The following ZNF212 variants were observed in gnomAD, a reference collection of about 807,000 sequenced individuals.
ZNF212 encodes Zinc finger protein C2H2-150.
In ZNF212, 32 loss-of-function variants were observed where a neutral mutation model predicts 47.3. That is an observed-to-expected ratio of 0.68 (90% CI 0.51 to 0.91). ZNF212 has a LOEUF of 0.91. ZNF212 is among the 40% of genes least tolerant of loss of function. The probability of loss-of-function intolerance (pLI) is 0.00; values close to 1 mark genes in which losing one functional copy is unlikely to be tolerated. For synonymous variants in ZNF212, 242 were observed against 253.8 expected (o/e 0.95, Z 0.44); for missense variants, 555 against 622.8 (o/e 0.89, Z 1.16).
At chr7:149,252,320 A>G (rs187887758) in intron 3 of ZNF212, among the ~76,000 whole-genome samples, 276 of 152,304 alleles carry the variant, frequency 1.8e-3, no homozygotes, top group Non-Finnish European at 3.0e-3. Flanking sequence ...TGTCTGTCCC[A>G]GTGCCCATCT....
chr7:149,242,969 TA>T (rs1318888911), intron 1 of ZNF212, among the ~76,000 whole-genome samples: 31 of 152,110 alleles, frequency 2.0e-4, no homozygotes, highest in Admixed American at 2.0e-3. Context: ...AAAGATGGGA[TA>T]AATAGCACAA....
At chr7:149,250,041 G>A in intron 1 of ZNF212, 118 bp from the exon 2 acceptor site, 1 of 1,008,564 alleles carries the variant, frequency 9.9e-7, no homozygotes, top group Non-Finnish European at 1.3e-6. Flanking sequence ...ATCAATAAAA[G>A]ACATGCTTTT....
At chr7:149,240,016 C>A (rs186971121) in intron 1 of ZNF212, 66 of 510,622 alleles carry the variant, frequency 1.3e-4, no homozygotes, top group African/African-American at 1.2e-3. Context: ...GCCTCGGCGC[C>A]GTGCGCCCTT....
Position 149,253,446 on chromosome 7 carries a change from C to A in ZNF212, c.632-113C>A, listed in dbSNP as rs533082147. On this transcript the variant is annotated intron_variant, in intron 4 of 4. Coordinates refer to ENST00000335870, the MANE Select transcript of ZNF212 (RefSeq NM_012256.4). ...CAGTGTCATCCTCCTCCACGTTATC[C>A]TAATTCACTTATTCCTGGGGTGCTT... The A allele has an allele frequency of 1.0e-5, 14 of 1,345,530 alleles. No individual in the cohort carries two copies. In the Admixed American group the frequency reaches 3.2e-4, roughly 31 times the overall value. 83.3% of individuals were successfully genotyped at this position (1,345,530 alleles called of 1,614,324 possible).
intron 4 of ZNF212, 31 bp downstream of exon 4, chr7:149,252,826 T>C (rs1296056563): frequency 6.2e-7 from 1 of 1,605,626 alleles, no homozygotes; most frequent in East Asian, 2.2e-5. Context: ...CTGTTCCCCT[T>C]CCATAGCCCT....
Position 149,254,294 on chromosome 7 carries a change from G to C in ZNF212, c.1367G>C (p.Ser456Thr). Residue 456 changes from serine to threonine, a missense_variant, in exon 5 of 5, where the codon AGC (serine) becomes ACC (threonine). Transcript: ENST00000335870. This position sits in a 1 kb window ranked among gnomAD's most constrained non-coding sequence, Gnocchi z 4.5. Reference sequence around the variant, plus strand: ...ATCCACACGGGTGAGCGGCCCTACAGCTGCACTGAGTGTGAGAAGAGCTTT... The same window carrying C: ...ATCCACACGGGTGAGCGGCCCTACACCTGCACTGAGTGTGAGAAGAGCTTT... ...QRIHTGERPY[S>T]CTECEKSFVQ... The C allele has an allele frequency of 6.2e-7, 1 of 1,614,142 alleles. No homozygotes were observed. The highest frequency in any genetic ancestry group is 8.5e-7 in the Non-Finnish European group (1 of 1,180,044).
At chr7:149,249,508 T>G (rs892361949) in intron 1 of ZNF212, among the ~76,000 whole-genome samples, 1 of 152,162 alleles carries the variant, frequency 6.6e-6, no homozygotes, top group Non-Finnish European at 1.5e-5. Context: ...TCAGAGAATA[T>G]GCTAAGCATA....
At chr7:149,242,017 T>A (rs1266013483) in intron 1 of ZNF212, among the ~76,000 whole-genome samples, 1 of 136,332 alleles carries the variant, frequency 7.3e-6, no homozygotes, top group African/African-American at 2.8e-5. Flanking sequence ...TTTTCTTTTC[T>A]TTTCTTTTTT....
chr7:149,252,532 T>C (rs1478806190), intron 3 of ZNF212, among the ~76,000 whole-genome samples, 174 bp from the exon 4 acceptor site: 1 of 152,228 alleles, frequency 6.6e-6, no homozygotes, highest in African/African-American at 2.4e-5. Context: ...TCAGTTGTTA[T>C]GATTGGCCAG....
intron 1 of ZNF212, among the ~76,000 whole-genome samples, chr7:149,247,814 A>G (rs1220019315): frequency 6.6e-6 from 1 of 152,210 alleles, no homozygotes; most frequent in Non-Finnish European, 1.5e-5. Flanking sequence ...GACATGGCCC[A>G]TTATGTATTG....
rs910776619 is a variant in ZNF212 at position 149,252,945 on chromosome 7, C to T, written c.631+150C>T. ...TCCTTTATGATTGTCGTTAGTTCAG[C>T]TGTTACATATGCCTCAACTCCTACC... is the stretch of plus-strand genomic sequence containing the variant. On this transcript the variant is annotated intron_variant, in intron 4 of 4. Transcript: ENST00000335870. 13 of 730,672 alleles carry T rather than the reference C, an allele frequency of 1.8e-5. No individual in the cohort carries two copies. The African/African-American group carries it at 2.1e-4, about 12-fold the overall frequency. The allele number at this position is 730,672 out of a possible 1,614,324, so 45.3% of individuals were successfully genotyped here. A position where few individuals can be genotyped will look rare whatever the true frequency, so the allele number is the denominator to read the frequency against.
chr7:149,239,902 G>A, intron 1 of ZNF212, 100 bp downstream of exon 1: 1 of 1,238,804 alleles, frequency 8.1e-7, no homozygotes. Flanking sequence ...CGGGGTCTTG[G>A]TTTCCCGGGG....
At chr7:149,243,590 T>C (rs1275984102) in intron 1 of ZNF212, among the ~76,000 whole-genome samples, 3 of 152,224 alleles carry the variant, frequency 2.0e-5, no homozygotes, top group South Asian at 4.1e-4. Context: ...TCTTTAGAGA[T>C]AGAAGGCTCC....
At chr7:149,251,516 GAGA>G (rs1796758160) in intron 3 of ZNF212, among the ~76,000 whole-genome samples, 1 of 20,450 alleles carries the variant, frequency 4.9e-5, no homozygotes, top group Admixed American at 4.9e-4. Context: ...TTTTTTTTTT[GAGA>G]CTCTGTCACC....
chr7:149,253,510 A>G (rs1239886582), intron 4 of ZNF212, 49 bp from the exon 5 acceptor site: 3 of 1,546,370 alleles, frequency 1.9e-6, no homozygotes, highest in Admixed American at 1.9e-5. Context: ...TGAAGAAACC[A>G]AAGGTACTAG....
At chr7:149,246,008 G>A (rs988217410) in intron 1 of ZNF212, among the ~76,000 whole-genome samples, 1 of 152,156 alleles carries the variant, frequency 6.6e-6, no homozygotes, top group African/African-American at 2.4e-5. Flanking sequence ...CTTTCACTTA[G>A]TTATATTTGG....
chr7:149,239,764 G>A lies in ZNF212; in HGVS notation c.-15G>A. On this transcript the variant is annotated 5_prime_UTR_variant, in exon 1 of 5. Coordinates refer to ENST00000335870, the MANE Select transcript of ZNF212 (RefSeq NM_012256.4). ...CTCCGAGGCGGGGTCTGGGTGTTGA[G>A]GGGCGACTGGAGCCATGGCGGAGTC... is the stretch of plus-strand genomic sequence containing the variant. The A allele has an allele frequency of 7.8e-7, 1 of 1,277,104 alleles. No individual in the cohort carries two copies. The highest frequency in any genetic ancestry group is 3.5e-5 in the South Asian group (1 of 28,644). The allele number at this position is 1,277,104 out of a possible 1,614,324, so 79.1% of individuals were successfully genotyped here.
At position 149,254,579 on chromosome 7, in the gene ZNF212, T is replaced by G. The variant is rs1447236561; in HGVS notation, c.*164T>G. 8.9e-6 allele frequency: 10 copies of G among 1,129,336 alleles called. No homozygotes were observed. Among genetic ancestry groups the G allele is most frequent in the Non-Finnish European group, 1.1e-5 (9 of 826,376 alleles). 70.0% of individuals were successfully genotyped at this position (1,129,336 alleles called of 1,614,324 possible). The stretch of plus-strand genomic sequence containing the variant: ...CCCAAAGGCTGTCCTGAAAACCCTG[T>G]GGAAGAAGAGTCCAGGCCAGGTCTT... On this transcript the variant is annotated 3_prime_UTR_variant, in exon 5 of 5. Coordinates refer to ENST00000335870, the MANE Select transcript of ZNF212 (RefSeq NM_012256.4). The surrounding 1 kb of genome is among the most constrained non-coding windows in gnomAD (Gnocchi z 4.5).
chr7:149,245,343 G>A (rs568421686), intron 1 of ZNF212, among the ~76,000 whole-genome samples: 4 of 141,930 alleles, frequency 2.8e-5, no homozygotes, highest in Admixed American at 7.4e-5. Flanking sequence ...GCGACAGAGC[G>A]AGAGACTCCA....
Sources: allele counts gnomAD v4.1 joint callset (sites outside exome capture counted in the v4.1 genomes callset), GRCh38; gene constraint gnomAD v4.1.1; non-coding constraint Gnocchi (gnomAD v3.1); transcripts MANE v1.5; gene names NCBI Gene and HGNC (gene_info 2026-07-23, HGNC 2026-07-21).